STAM2: variants seen among roughly 807,000 people sequenced by gnomAD.
STAM2 encodes signal transducing adapter molecule 2.
Under a neutral mutation model 65.6 loss-of-function variants are expected in STAM2, and 51 were observed. That is an observed-to-expected ratio of 0.78 (90% CI 0.62 to 0.98). The LOEUF (loss-of-function observed/expected upper bound fraction) is 0.98, where lower values mean the gene tolerates loss of function less well. STAM2 is among the 50% of genes least tolerant of loss of function. The pLI is 0.00. For missense variants in STAM2, 584 were observed against 617.8 expected (o/e 0.95, Z 0.58); for synonymous variants, 198 against 208.4 (o/e 0.95, Z 0.43).
rs1688817635 is a variant in STAM2 at position 152,119,941 on chromosome 2, A to G, written c.*633T>C. ...ACAATTATATGCTAATTATTATTCAACATAACAGTGAGAGCAAAAGTGACA... is the reference window on the plus strand; with the variant it reads ...ACAATTATATGCTAATTATTATTCAGCATAACAGTGAGAGCAAAAGTGACA... On this transcript the variant is annotated 3_prime_UTR_variant, in exon 14 of 14. Transcript: ENST00000263904. 6.5e-6 allele frequency: 1 copy of G among 152,744 alleles called. No homozygotes were observed. The highest frequency in any genetic ancestry group is 2.4e-5 in the African/African-American group (1 of 41,432). 9.5% of individuals were successfully genotyped at this position (152,744 alleles called of 1,614,324 possible). A position where few individuals can be genotyped will look rare whatever the true frequency, so the allele number is the denominator to read the frequency against.
chr2:152,147,399 C>T (rs1231122315), intron 4 of STAM2, 91 bp from the exon 5 acceptor site: 2 of 1,250,888 alleles, frequency 1.6e-6, no homozygotes, highest in Non-Finnish European at 2.1e-6. Flanking sequence ...CATCAAAATT[C>T]TCTTTAATTA....
intron 7 of STAM2, among the ~76,000 whole-genome samples, chr2:152,140,032 TCAA>T (rs908202291): frequency 2.0e-5 from 3 of 152,170 alleles, no homozygotes; most frequent in Non-Finnish European, 4.4e-5. Context: ...GATTTTGGTA[TCAA>T]CAGGGGTTCT....
intron 1 of STAM2, among the ~76,000 whole-genome samples, chr2:152,162,064 C>G (rs1579333526): frequency 6.6e-6 from 1 of 152,110 alleles, no homozygotes; most frequent in African/African-American, 2.4e-5. Context: ...CTCAGGTGAT[C>G]CACTCATCTT....
At chr2:152,155,970 T>G (rs1689535592) in intron 1 of STAM2, among the ~76,000 whole-genome samples, 1 of 152,192 alleles carries the variant, frequency 6.6e-6, no homozygotes, top group Non-Finnish European at 1.5e-5. Flanking sequence ...ATTATCAAAT[T>G]TTATGAGTAT....
At chr2:152,126,666 T>C (rs1688968472) in intron 11 of STAM2, among the ~76,000 whole-genome samples, 1 of 151,968 alleles carries the variant, frequency 6.6e-6, no homozygotes, top group Non-Finnish European at 1.5e-5. Flanking sequence ...AACCCTAACT[T>C]TCCACACCTA....
rs561458581 is a variant in STAM2 at position 152,136,214 on chromosome 2, G to A, written c.705-611C>T. On this transcript the variant is annotated intron_variant, in intron 7 of 13. Coordinates refer to ENST00000263904, the MANE Select transcript of STAM2 (RefSeq NM_005843.6). The stretch of plus-strand genomic sequence containing the variant: ...TCCCAGCACTTTGGGAGGCCGAGGC[G>A]AGTGGATCACCTGAGGTCAGGAGTT... Among the ~76,000 whole-genome samples the A allele has an allele frequency of 5.6e-4, 85 of 152,112 alleles. 1 individual carries two copies. Among genetic ancestry groups the A allele is most frequent in the Admixed American group, 4.3e-3 (66 of 15,274 alleles).
intron 5 of STAM2, among the ~76,000 whole-genome samples, chr2:152,146,433 CT>C (rs747145992): frequency 6.6e-5 from 10 of 152,002 alleles, no homozygotes; most frequent in Non-Finnish European, 5.9e-5. Context: ...TTTTTCTCCC[CT>C]AGACCTAAAA....
chr2:152,124,200 T>C (rs1688912380), intron 12 of STAM2: 1 of 388,594 alleles, frequency 2.6e-6, no homozygotes, highest in Non-Finnish European at 4.7e-6. Context: ...AAGTAGTGGA[T>C]TGCAATCTAT....
rs547734864 is a variant in STAM2 at position 152,118,924 on chromosome 2, C to T, written c.*1650G>A. 2.5e-4 allele frequency: 38 copies of T among 152,098 alleles called. No individual in the cohort carries two copies. Among genetic ancestry groups the T allele is most frequent in the African/African-American group, 8.9e-4 (37 of 41,534 alleles). 9.4% of individuals were successfully genotyped at this position (152,098 alleles called of 1,614,324 possible). On this transcript the variant is annotated 3_prime_UTR_variant, in exon 14 of 14. Transcript: ENST00000263904. ...GAGCTTTCAAATACTGCTAATTTTT[C>T]CACTTAAATGTAGATCAAGTACCAT...
intron 1 of STAM2, among the ~76,000 whole-genome samples, chr2:152,161,964 A>C (rs1689686752): frequency 2.0e-5 from 3 of 152,066 alleles, no homozygotes; most frequent in African/African-American, 7.2e-5. Context: ...CTGGGATTAC[A>C]GGCATGTGCC....
intron 5 of STAM2, among the ~76,000 whole-genome samples, chr2:152,145,605 G>T (rs1560216802): frequency 1.3e-5 from 2 of 152,174 alleles, no homozygotes; most frequent in African/African-American, 4.8e-5. Context: ...TTAGTGAGAG[G>T]AGCTCTGCTA....
At chr2:152,158,603 A>T (rs1266380155) in intron 1 of STAM2, among the ~76,000 whole-genome samples, 2 of 152,236 alleles carry the variant, frequency 1.3e-5, no homozygotes, top group Non-Finnish European at 2.9e-5. Context: ...ACATATTAAT[A>T]CCTTTGGACA....
intron 7 of STAM2, among the ~76,000 whole-genome samples, chr2:152,143,164 C>A (rs1689279596): frequency 6.6e-6 from 1 of 152,028 alleles, no homozygotes; most frequent in South Asian, 2.1e-4. Flanking sequence ...TAAAGTAAAA[C>A]CATTATTTAT....
At chr2:152,137,119 C>G (rs1689170710) in intron 7 of STAM2, among the ~76,000 whole-genome samples, 1 of 151,924 alleles carries the variant, frequency 6.6e-6, no homozygotes, top group Non-Finnish European at 1.5e-5. Flanking sequence ...CAAACTTTAT[C>G]TTAAGTGATC....
At chr2:152,130,544 C>T (rs771473341) in intron 11 of STAM2, among the ~76,000 whole-genome samples, 1 of 151,750 alleles carries the variant, frequency 6.6e-6, no homozygotes, top group South Asian at 2.1e-4. Flanking sequence ...AGCCACTGCG[C>T]CTGGCCGCTC....
At position 152,162,668 on chromosome 2, in the gene STAM2, G is replaced by A. The variant is rs1689704830; in HGVS notation, c.41-12439C>T. On this transcript the variant is annotated intron_variant, in intron 1 of 13. Coordinates refer to ENST00000263904, the MANE Select transcript of STAM2 (RefSeq NM_005843.6). ...TCTTATTATTATAATTTGAGATACA[G>A]TCTCACTCTGTTGCCCAGGTTGGAG... Among the ~76,000 whole-genome samples, 6 of 152,154 alleles carry A rather than the reference G, an allele frequency of 3.9e-5. No individual in the cohort carries two copies. The South Asian group carries it at 1.2e-3, about 32-fold the overall frequency.
chr2:152,129,292 G>A (rs927842578), intron 11 of STAM2, among the ~76,000 whole-genome samples: 12 of 151,976 alleles, frequency 7.9e-5, no homozygotes, highest in South Asian at 2.1e-4. Flanking sequence ...GACTACAGGC[G>A]CACACCACCA....
intron 10 of STAM2, 81 bp from the exon 11 acceptor site, chr2:152,132,249 C>A: frequency 1.1e-6 from 1 of 939,280 alleles, no homozygotes; most frequent in South Asian, 1.4e-5. Flanking sequence ...AATATAGCAC[C>A]AATATACAAC....
At chr2:152,160,841 C>G (rs1466224768) in intron 1 of STAM2, among the ~76,000 whole-genome samples, 9 of 148,422 alleles carry the variant, frequency 6.1e-5, no homozygotes, top group Admixed American at 1.3e-4. Flanking sequence ...GTCAGCCCCC[C>G]ACCCGGCCAG....
Sources: gnomAD v4.1 joint callset for allele counts (sites outside exome capture counted in the v4.1 genomes callset) on GRCh38, gnomAD v4.1.1 for gene constraint, MANE v1.5 for transcripts, NCBI Gene and HGNC (gene_info 2026-07-23, HGNC 2026-07-21) for gene names.